KCTD9: variants seen among roughly 807,000 people sequenced by gnomAD.
KCTD9 encodes potassium channel tetramerization domain containing 9, also known as BTB/POZ domain-containing protein KCTD9.
KCTD9 carries 17 observed loss-of-function variants against 53.3 expected under a neutral mutation model. The ratio of observed to expected loss-of-function variants is 0.32; its 90% CI spans 0.22 to 0.48. The LOEUF is 0.48. KCTD9 is among the 20% of genes least tolerant of loss of function. The pLI is 0.99. For synonymous variants in KCTD9, 128 were observed against 162.7 expected, an observed-to-expected ratio of 0.79 and a Z score of 1.62; for missense variants, 179 against 465.5, an observed-to-expected ratio of 0.38 and a Z score of 5.66.
chr8:25,434,210 G>A (rs898686276), intron 9 of KCTD9, among the ~76,000 whole-genome samples: 2 of 152,014 alleles, frequency 1.3e-5, no homozygotes, highest in African/African-American at 2.4e-5. Flanking sequence ...AGTGATTCTC[G>A]TGCCTCAGCC....
At chr8:25,455,167 G>A (rs993432127) in intron 1 of KCTD9, among the ~76,000 whole-genome samples, 1 of 152,090 alleles carries the variant, frequency 6.6e-6, no homozygotes, top group African/African-American at 2.4e-5. Context: ...AGAGGTTGCA[G>A]TGAGCTGAGA....
intron 1 of KCTD9, chr8:25,450,291 T>C: frequency 2.0e-6 from 2 of 977,952 alleles, no homozygotes; most frequent in East Asian, 1.1e-4. Context: ...TGACCAATTA[T>C]CCCTTGGTAA....
chr8:25,433,148 T>G, intron 10 of KCTD9, among the ~76,000 whole-genome samples, 182 bp downstream of exon 10: 1 of 152,320 alleles, frequency 6.6e-6, no homozygotes, highest in South Asian at 2.1e-4. Flanking sequence ...TCAATTTTGA[T>G]TAGCATTTGA....
At chr8:25,450,084 G>A (rs911332260) in intron 1 of KCTD9, among the ~76,000 whole-genome samples, 1 of 152,176 alleles carries the variant, frequency 6.6e-6, no homozygotes, top group Admixed American at 6.5e-5. Flanking sequence ...CTTGTAGGCT[G>A]TAAAACTACT....
At position 25,453,638 on chromosome 8, in the gene KCTD9, A is replaced by G. The variant is rs1418413077; in HGVS notation, c.48+4561T>C. On this transcript the variant is annotated intron_variant, in intron 1 of 11. Coordinates refer to ENST00000221200, the MANE Select transcript of KCTD9 (RefSeq NM_017634.4). Reference sequence around the variant, plus strand: ...CACTGCACTCCAACCTGGGCGACAGAGTGAGACTCCGACTCAAAAAAAAAA... The same window carrying G: ...CACTGCACTCCAACCTGGGCGACAGGGTGAGACTCCGACTCAAAAAAAAAA... 1.8e-4 allele frequency among the ~76,000 whole-genome samples: 27 copies of G among 148,816 alleles called. 1 individual carries two copies. The highest frequency in any genetic ancestry group is 1.6e-3 in the Admixed American group (24 of 14,676).
At position 25,458,328 on chromosome 8, in the gene KCTD9, C is replaced by T; in HGVS notation, c.-82G>A. The T allele has an allele frequency of 5.3e-6, 8 of 1,508,742 alleles. No individual in the cohort carries two copies. The highest frequency in any genetic ancestry group is 4.6e-5 in the South Asian group (4 of 87,064). 93.5% of individuals were successfully genotyped at this position (1,508,742 alleles called of 1,614,324 possible). ...CCACCTTTTTCTCCTCCCGCCCTTC[C>T]CCTCCCTCCACCCACTCGGATTCGC... On this transcript the variant is annotated 5_prime_UTR_variant, in exon 1 of 12. Transcript: ENST00000221200.
chr8:25,445,500 A>G (rs182531239), intron 2 of KCTD9, among the ~76,000 whole-genome samples: 138 of 152,324 alleles, frequency 9.1e-4, no homozygotes, highest in Non-Finnish European at 1.5e-3. Flanking sequence ...CAATGATAAC[A>G]TAAGTGGCAT....
chr8:25,450,801 CTTTAT>C (rs1312238710), intron 1 of KCTD9, among the ~76,000 whole-genome samples: 8 of 152,080 alleles, frequency 5.3e-5, no homozygotes, highest in Admixed American at 5.2e-4. Flanking sequence ...AAGTTTTTTG[CTTTAT>C]TTTGTTTGTT....
At position 25,439,601 on chromosome 8, in the gene KCTD9, C is replaced by T; in HGVS notation, c.370+5G>A. Reference sequence around the variant, plus strand: ...TGAAATGTGAAAACAACGTGTTACACTCACCTTTGTCCTTAAACATGTGGG... The same window carrying T: ...TGAAATGTGAAAACAACGTGTTACATTCACCTTTGTCCTTAAACATGTGGG... On this transcript the variant is annotated splice_donor_5th_base_variant and intron_variant, in intron 5 of 11. Transcript: ENST00000221200. 6.2e-7 allele frequency: 1 copy of T among 1,614,026 alleles called. No homozygotes were observed. Among genetic ancestry groups the T allele is most frequent in the Non-Finnish European group, 8.5e-7 (1 of 1,179,928 alleles).
intron 2 of KCTD9, among the ~76,000 whole-genome samples, chr8:25,445,906 A>T (rs776123719): frequency 2.0e-4 from 31 of 151,964 alleles, no homozygotes; most frequent in Non-Finnish European, 3.8e-4. Context: ...CTATATATGA[A>T]CTATGCAGAA....
intron 1 of KCTD9, among the ~76,000 whole-genome samples, chr8:25,448,996 G>A (rs1802268553): frequency 1.3e-5 from 2 of 152,162 alleles, no homozygotes; most frequent in African/African-American, 4.8e-5. Flanking sequence ...GCAACACAGT[G>A]AGGTATTCTG....
At chr8:25,436,157 C>A in intron 8 of KCTD9, 78 bp downstream of exon 8, 1 of 914,906 alleles carries the variant, frequency 1.1e-6, no homozygotes, top group Non-Finnish European at 1.8e-6. Context: ...CAAGATAATC[C>A]CAAAACACTA....
intron 1 of KCTD9, among the ~76,000 whole-genome samples, chr8:25,447,470 A>G (rs1172161720): frequency 1.3e-5 from 2 of 152,210 alleles, no homozygotes. Context: ...AAGATTTATT[A>G]TGTCAAGATG....
At chr8:25,441,397 T>C (rs1052003364) in intron 3 of KCTD9, among the ~76,000 whole-genome samples, 1 of 152,070 alleles carries the variant, frequency 6.6e-6, no homozygotes, top group African/African-American at 2.4e-5. Flanking sequence ...CAAATGTTAA[T>C]ACAAAAGTGT....
rs11135866 is a variant in KCTD9, at chr8:25,455,115, A to T, written c.48+3084T>A. 5.5e-4 allele frequency among the ~76,000 whole-genome samples: 84 copies of T among 152,132 alleles called. No homozygotes were observed. In the East Asian group the frequency reaches 0.015, roughly 26 times the overall value. On this transcript the variant is annotated intron_variant, in intron 1 of 11. Transcript: ENST00000221200. ...TGGCAAGCCCCTGTAATCCCAGCTAAGCAAGAGGCTGAGTTAGGAGAATCG... is the reference window on the plus strand; with the variant it reads ...TGGCAAGCCCCTGTAATCCCAGCTATGCAAGAGGCTGAGTTAGGAGAATCG...
In KCTD9 at chr8:25,430,146, T is replaced by G. The variant is rs79365950; in HGVS notation, c.1054-173A>C. 8.7e-3 allele frequency among the ~76,000 whole-genome samples: 1,326 copies of G among 152,296 alleles called. 21 individuals carry two copies. Among genetic ancestry groups the G allele is most frequent in the African/African-American group, 0.03 (1,239 of 41,562 alleles). On this transcript the variant is annotated intron_variant, in intron 11 of 11. Transcript: ENST00000221200. ...CCTAAATTAAGATGTTCTTCTATCT[T>G]TATTTGTTACCTCTAGTTCAGGCTG...
intron 6 of KCTD9, among the ~76,000 whole-genome samples, chr8:25,437,956 A>G (rs1338314414): frequency 7.2e-5 from 11 of 151,758 alleles, no homozygotes; most frequent in Admixed American, 6.6e-4. Flanking sequence ...GTTTTAAAGC[A>G]TATAATTACT....
intron 11 of KCTD9, among the ~76,000 whole-genome samples, chr8:25,432,109 T>C: frequency 6.6e-6 from 1 of 152,156 alleles, no homozygotes; most frequent in East Asian, 1.9e-4. Flanking sequence ...ATATAATTCT[T>C]TGAAAAAGAT....
chr8:25,446,047 T>C (rs544917001), intron 2 of KCTD9, 82 bp downstream of exon 2: 1 of 1,534,524 alleles, frequency 6.5e-7, no homozygotes, highest in African/African-American at 1.4e-5. Context: ...TTAACAGTGA[T>C]TAAATTACTG....
Sources: gnomAD v4.1 joint callset for allele counts (sites outside exome capture counted in the v4.1 genomes callset) on GRCh38, gnomAD v4.1.1 for gene constraint, MANE v1.5 for transcripts, NCBI Gene and HGNC (gene_info 2026-07-23, HGNC 2026-07-21) for gene names.